DAPK2: variants seen among roughly 807,000 people sequenced by gnomAD.
DAPK2 encodes the protein death-associated protein kinase 2.
DAPK2 carries 35 observed loss-of-function variants against 44.1 expected under a neutral mutation model. That is an observed-to-expected ratio of 0.79 (90% CI 0.61 to 1.05). The LOEUF is 1.05. Among genes scored for constraint, DAPK2 ranks in the 50% least tolerant of loss-of-function variants. The pLI is 0.00. For synonymous variants in DAPK2, 174 were observed against 182.6 expected (o/e 0.95, Z 0.38); for missense variants, 453 against 483.2 (o/e 0.94, Z 0.59).
intron 1 of DAPK2, among the ~76,000 whole-genome samples, chr15:64,029,208 A>AT (rs2079939800): frequency 6.6e-6 from 1 of 150,756 alleles, no homozygotes; most frequent in Admixed American, 6.6e-5. Context: ...AGGGCAAGCG[A>AT]TTTGCACTGT....
At chr15:63,961,296 A>G (rs901779994) in intron 3 of DAPK2, among the ~76,000 whole-genome samples, 13 of 152,192 alleles carry the variant, frequency 8.5e-5, no homozygotes, top group African/African-American at 3.1e-4. Flanking sequence ...GACTCTATCC[A>G]ATTTGCCAGT....
intron 1 of DAPK2, among the ~76,000 whole-genome samples, chr15:64,005,668 C>A (rs1478344521): frequency 1.3e-5 from 2 of 151,880 alleles, no homozygotes; most frequent in African/African-American, 4.8e-5. Context: ...ACTGTCTTGC[C>A]CACAAAGGAG....
chr15:63,966,603 C>G lies in DAPK2; in HGVS notation c.453+4820G>C, dbSNP rs900143089. ...GGTGAGGCTTGCTGGAACTCAGGTT[C>G]TGACCACTAGGATGAGCAATTCTCC... On this transcript the variant is annotated intron_variant, in intron 3 of 10. Transcript: ENST00000261891. This position sits in a 1 kb window ranked among gnomAD's most constrained non-coding sequence, Gnocchi z 5.5. 7.9e-5 allele frequency among the ~76,000 whole-genome samples: 12 copies of G among 152,202 alleles called. No homozygotes were observed. The highest frequency in any genetic ancestry group is 1.5e-4 in the Non-Finnish European group (10 of 68,026).
chr15:63,952,259 T>C (rs1483828554), intron 3 of DAPK2, among the ~76,000 whole-genome samples: 2 of 152,118 alleles, frequency 1.3e-5, no homozygotes, highest in African/African-American at 2.4e-5. Flanking sequence ...AAAAAAAGTT[T>C]GTACAAAGAA....
At chr15:63,959,669 A>T (rs992697337) in intron 3 of DAPK2, among the ~76,000 whole-genome samples, 4 of 152,104 alleles carry the variant, frequency 2.6e-5, no homozygotes, top group African/African-American at 9.7e-5. Context: ...ATTGATTTGC[A>T]TATGTTGAAC....
chr15:63,954,266 T>C (rs2140555928), intron 3 of DAPK2, among the ~76,000 whole-genome samples: 1 of 152,348 alleles, frequency 6.6e-6, no homozygotes, highest in Admixed American at 6.5e-5. Flanking sequence ...TGTTTTCTTT[T>C]AGTAGTTTCA....
At chr15:63,989,186 TCCAAAA>T in intron 1 of DAPK2, among the ~76,000 whole-genome samples, 1 of 40,688 alleles carries the variant, frequency 2.5e-5, no homozygotes, top group Admixed American at 3.5e-4. Context: ...AGACTTTGTC[TCCAAAA>T]AAAAAAAAAA....
intron 1 of DAPK2, among the ~76,000 whole-genome samples, chr15:64,030,810 A>C (rs1279096830): frequency 6.6e-6 from 1 of 152,094 alleles, no homozygotes; most frequent in African/African-American, 2.4e-5. Context: ...CTCTACAAAA[A>C]ATTTTAAAAT....
At chr15:63,965,548 G>A (rs1245360958) in intron 3 of DAPK2, among the ~76,000 whole-genome samples, 1 of 152,254 alleles carries the variant, frequency 6.6e-6, no homozygotes, top group African/African-American at 2.4e-5. Flanking sequence ...AGGGTGGTGA[G>A]CTTCCCCCCC....
At chr15:63,999,396 G>C (rs189863074) in intron 1 of DAPK2, among the ~76,000 whole-genome samples, 12 of 152,146 alleles carry the variant, frequency 7.9e-5, no homozygotes, top group Admixed American at 3.9e-4. Context: ...AAACCACAGG[G>C]GAGAGGAAGA....
At chr15:64,023,321 G>A (rs958310407) in intron 1 of DAPK2, among the ~76,000 whole-genome samples, 4 of 152,196 alleles carry the variant, frequency 2.6e-5, no homozygotes, top group Admixed American at 2.0e-4. Flanking sequence ...AGGACTCTAA[G>A]GAAAAGGTGG....
At chr15:64,046,429 C>T, upstream of DAPK2, 1 of 279,140 alleles carries the variant, frequency 3.6e-6, no homozygotes, top group Non-Finnish European at 5.4e-6. This position sits in a 1 kb window ranked among gnomAD's most constrained non-coding sequence, Gnocchi z 5.3. Context: ...CTCGGCCCTG[C>T]AGTCCTCTCC....
chr15:64,035,730 A>G (rs959190162), intron 1 of DAPK2, among the ~76,000 whole-genome samples: 1 of 152,194 alleles, frequency 6.6e-6, no homozygotes, highest in African/African-American at 2.4e-5. Flanking sequence ...ATATTTCTCC[A>G]AACACTCCTA....
intron 1 of DAPK2, among the ~76,000 whole-genome samples, chr15:64,005,021 G>A (rs1019069915): frequency 6.6e-6 from 1 of 152,160 alleles, no homozygotes. Context: ...GATGAAAGGT[G>A]ACTAGCCGAG....
chr15:64,015,309 AGCT>A (rs61194501), intron 1 of DAPK2, among the ~76,000 whole-genome samples: 22,940 of 152,086 alleles, frequency 0.15, 1,869 homozygotes, highest in South Asian at 0.35. Context: ...CTAATCCCAG[AGCT>A]GCTCTGTGAG....
At chr15:63,929,658 G>A in intron 5 of DAPK2, 81 bp from the exon 7 acceptor site, 1 of 1,572,304 alleles carries the variant, frequency 6.4e-7, no homozygotes, top group Non-Finnish European at 8.7e-7. Flanking sequence ...GGATCTAAGG[G>A]GAAGAGGTCA....
At chr15:63,925,970 A>G (rs2140336350) in exon 7 of DAPK2, 1 of 1,614,114 alleles carries the variant, frequency 6.2e-7, no homozygotes. Flanking sequence ...GCTTCCGAAT[A>G]AAGTCCTTGG....
chr15:63,996,310 G>T (rs988890057), intron 1 of DAPK2, among the ~76,000 whole-genome samples: 8 of 152,154 alleles, frequency 5.3e-5, no homozygotes, highest in Admixed American at 1.3e-4. Flanking sequence ...GGGCATGGTG[G>T]CATGTGCCTG....
intron 2 of DAPK2, among the ~76,000 whole-genome samples, chr15:63,978,972 G>A (rs567026711): frequency 6.6e-6 from 1 of 152,350 alleles, no homozygotes; most frequent in East Asian, 1.9e-4. Flanking sequence ...AATGCTGCCA[G>A]AGCTGCTGGG....
Sources: allele counts gnomAD v4.1 joint callset (sites outside exome capture counted in the v4.1 genomes callset), GRCh38; gene constraint gnomAD v4.1.1; non-coding constraint Gnocchi (gnomAD v3.1); transcripts MANE v1.5; gene names NCBI Gene and HGNC (gene_info 2026-07-23, HGNC 2026-07-21).